Variants in PACRG observed in about 807,000 individuals in gnomAD.
PACRG encodes the protein parkin coregulated gene protein.
Under a neutral mutation model 29.7 loss-of-function variants are expected in PACRG, and 29 were observed. That is an observed-to-expected ratio of 0.98 (90% CI 0.73 to 1.33). The LOEUF is 1.33. PACRG is among the 40% of genes most tolerant of loss of function. The pLI, the probability that PACRG is intolerant of heterozygous loss-of-function variation, is 0.00. For synonymous variants in PACRG, 116 were observed against 118.7 expected (o/e 0.98, Z 0.15); for missense variants, 279 against 316.2 (o/e 0.88, Z 0.89).
At chr6:162,945,487 C>G (rs1415122245) in intron 2 of PACRG, among the ~76,000 whole-genome samples, 3 of 152,014 alleles carry the variant, frequency 2.0e-5, no homozygotes, top group Non-Finnish European at 4.4e-5. Context: ...ACCAACAGAA[C>G]ACTCAGATAT....
intron 2 of PACRG, among the ~76,000 whole-genome samples, chr6:163,046,059 G>T (rs147445455): frequency 9.9e-4 from 151 of 152,080 alleles, no homozygotes; most frequent in Non-Finnish European, 1.4e-3. Flanking sequence ...GACTCAGCCT[G>T]CAGAGAGGGC....
intron 4 of PACRG, among the ~76,000 whole-genome samples, chr6:163,098,613 G>A (rs1422150022): frequency 1.3e-5 from 2 of 152,270 alleles, no homozygotes; most frequent in Admixed American, 6.5e-5. Context: ...TTACAGGAAA[G>A]GGGTCCTGAT....
chr6:163,302,142 C>T (rs1186063116), intron 4 of PACRG, among the ~76,000 whole-genome samples: 1 of 152,248 alleles, frequency 6.6e-6, no homozygotes, highest in Non-Finnish European at 1.5e-5. Flanking sequence ...GCTTCAGTGT[C>T]TATTGTGCAA....
intron 4 of PACRG, among the ~76,000 whole-genome samples, chr6:163,092,385 C>T (rs560972765): frequency 1.1e-4 from 16 of 151,840 alleles, no homozygotes; most frequent in Admixed American, 9.2e-4. Flanking sequence ...AGTCCATGCT[C>T]ACAGCACCAA....
intron 4 of PACRG, among the ~76,000 whole-genome samples, chr6:163,240,076 C>G (rs1357023453): frequency 1.5e-5 from 2 of 137,676 alleles, no homozygotes; most frequent in South Asian, 4.6e-4. Flanking sequence ...ACACCTCCAC[C>G]CCCCCACACA....
At position 163,285,248 on chromosome 6, in the gene PACRG, C is replaced by T. The variant is rs142437511; in HGVS notation, c.614-29579C>T. 3.0e-4 allele frequency among the ~76,000 whole-genome samples: 46 copies of T among 152,188 alleles called. No individual in the cohort carries two copies. In the East Asian group the frequency reaches 6.8e-3, roughly 22 times the overall value. ...CTGAACAGATCCAACTCTCCCCTAC[C>T]GCAGGGCCTTTGCGCAAACCCTTCT... On this transcript the variant is annotated intron_variant, in intron 4 of 4. Transcript: ENST00000366888.
At chr6:163,195,101 C>G (rs1780391073) in intron 4 of PACRG, among the ~76,000 whole-genome samples, 1 of 152,176 alleles carries the variant, frequency 6.6e-6, no homozygotes, top group African/African-American at 2.4e-5. Context: ...CCGACTCTCA[C>G]CATGTCAAAA....
intron 2 of PACRG, among the ~76,000 whole-genome samples, chr6:162,951,647 A>C (rs1364863152): frequency 6.6e-6 from 1 of 152,226 alleles, no homozygotes; most frequent in African/African-American, 2.4e-5. Flanking sequence ...TGAGCACCTC[A>C]GTTGGCCATG....
chr6:163,171,290 AG>A (rs1240028402), intron 4 of PACRG, among the ~76,000 whole-genome samples: 1 of 152,218 alleles, frequency 6.6e-6, no homozygotes, highest in African/African-American at 2.4e-5. Flanking sequence ...CACAGATCAA[AG>A]GGGGAAGTCC....
At position 162,947,637 on chromosome 6, in the gene PACRG, TATATATATATAC is replaced by T. The variant is rs1367456629; in HGVS notation, c.292-114511_292-114500del. 2.2e-3 allele frequency among the ~76,000 whole-genome samples: 178 copies of T among 80,954 alleles called. 11 individuals carry two copies. Among genetic ancestry groups the T allele is most frequent in the African/African-American group, 6.6e-3 (135 of 20,384 alleles). 53.1% of individuals were successfully genotyped at this position (80,954 alleles called of 152,430 possible). On this transcript the variant is annotated intron_variant, in intron 2 of 4. Coordinates refer to ENST00000366888, the MANE Select transcript of PACRG (RefSeq NM_001080379.2). ...ATATATATATATATATATATATATA[TATATATATATAC>T]ACCCAAAGATTCCACCAAAAATCTC...
intron 2 of PACRG, among the ~76,000 whole-genome samples, chr6:162,960,009 T>G (rs766896091): frequency 2.6e-5 from 4 of 152,142 alleles, no homozygotes; most frequent in Non-Finnish European, 5.9e-5. Context: ...TGAAAAATGC[T>G]CATCATCACT....
rs991698458 is a variant in PACRG, at chr6:162,860,382, C to T, written c.291+46101C>T. ...ATAAAATAAAAATGGTACAGAAAAA[C>T]GGGAGTTTTAGAGTCTTGTTTCAAT... On this transcript the variant is annotated intron_variant, in intron 2 of 4. Coordinates refer to ENST00000366888, the MANE Select transcript of PACRG (RefSeq NM_001080379.2). Among the ~76,000 whole-genome samples, 11 of 152,040 alleles carry T rather than the reference C, an allele frequency of 7.2e-5. No individual in the cohort carries two copies. In the East Asian group the frequency reaches 1.5e-3, roughly 21 times the overall value.
At chr6:163,138,612 T>G (rs1033578) in intron 4 of PACRG, among the ~76,000 whole-genome samples, 1 of 152,034 alleles carries the variant, frequency 6.6e-6, no homozygotes, top group African/African-American at 2.4e-5. Context: ...GATCTGATGC[T>G]GCTGCTGACC....
At chr6:163,113,694 T>A (rs1316239780) in intron 4 of PACRG, among the ~76,000 whole-genome samples, 1 of 152,126 alleles carries the variant, frequency 6.6e-6, no homozygotes, top group Admixed American at 6.5e-5. Context: ...AATTGAGACA[T>A]TCCCAGGTAA....
intron 4 of PACRG, among the ~76,000 whole-genome samples, chr6:163,253,706 A>G (rs1782996131): frequency 6.6e-6 from 1 of 152,224 alleles, no homozygotes; most frequent in Admixed American, 6.5e-5. Flanking sequence ...CGTTATCAGG[A>G]CCAGAGTAAT....
chr6:162,904,856 C>T (rs574710782), intron 2 of PACRG, among the ~76,000 whole-genome samples: 57 of 152,156 alleles, frequency 3.7e-4, no homozygotes, highest in African/African-American at 1.4e-3. Context: ...CAGGAGTGGC[C>T]GACTATCTTT....
intron 1 of PACRG, among the ~76,000 whole-genome samples, chr6:162,775,772 A>G (rs1783594143): frequency 6.6e-6 from 1 of 152,220 alleles, no homozygotes; most frequent in South Asian, 2.1e-4. Flanking sequence ...ACTTTCTGCC[A>G]TGTAGTTAGT....
intron 2 of PACRG, among the ~76,000 whole-genome samples, chr6:162,819,502 G>C (rs1281391068): frequency 6.6e-6 from 1 of 152,126 alleles, no homozygotes; most frequent in South Asian, 2.1e-4. Flanking sequence ...AAAAATAAGA[G>C]ATGAGAGAAA....
chr6:162,966,108 C>T (rs1428368558), intron 2 of PACRG, among the ~76,000 whole-genome samples: 2 of 152,118 alleles, frequency 1.3e-5, no homozygotes, highest in Admixed American at 6.5e-5. Flanking sequence ...ATTTGTTGAA[C>T]GAATAAATGC....
Sources: allele counts gnomAD v4.1 joint callset (sites outside exome capture counted in the v4.1 genomes callset), GRCh38; gene constraint gnomAD v4.1.1; transcripts MANE v1.5; gene names NCBI Gene and HGNC (gene_info 2026-07-23, HGNC 2026-07-21).